CTNND2: variants seen among roughly 807,000 people sequenced by gnomAD.
The protein encoded by CTNND2 is catenin delta-2.
In CTNND2, 22 loss-of-function variants were observed where a neutral mutation model predicts 144.4. That is an observed-to-expected ratio of 0.15 (90% confidence interval 0.11 to 0.22). The LOEUF is 0.22. Among genes scored for constraint, CTNND2 ranks in the 10% least tolerant of loss-of-function variants. The pLI, the probability that CTNND2 is intolerant of heterozygous loss-of-function variation, is 1.00. For missense variants in CTNND2, 1,353 were observed against 1,618.8 expected, an observed-to-expected ratio of 0.84 and a Z score of 2.82; for synonymous variants, 751 against 695.6, an observed-to-expected ratio of 1.08 and a Z score of -1.25.
intron 1 of CTNND2, among the ~76,000 whole-genome samples, chr5:11,872,911 G>A (rs1424590923): frequency 1.3e-5 from 2 of 152,078 alleles, no homozygotes; most frequent in Non-Finnish European, 2.9e-5. Flanking sequence ...AGAAAACCTA[G>A]GCAATACCAT....
intron 3 of CTNND2, among the ~76,000 whole-genome samples, chr5:11,412,371 A>G (rs980452493): frequency 1.3e-5 from 2 of 152,162 alleles, no homozygotes; most frequent in African/African-American, 4.8e-5. Flanking sequence ...TAGCTTCTCT[A>G]TACATGCAGT....
chr5:11,817,641 A>T (rs568211964), intron 1 of CTNND2, among the ~76,000 whole-genome samples: 150 of 152,160 alleles, frequency 9.9e-4, no homozygotes, highest in Admixed American at 1.9e-3. Flanking sequence ...CTTAAGACAT[A>T]AAAGCCGTGT....
At chr5:11,881,444 C>T (rs1461672544) in intron 1 of CTNND2, among the ~76,000 whole-genome samples, 1 of 151,984 alleles carries the variant, frequency 6.6e-6, no homozygotes, top group Non-Finnish European at 1.5e-5. Context: ...CCCCACTATC[C>T]TTCTCATCCT....
At chr5:11,379,121 A>G (rs1175855895) in intron 7 of CTNND2, among the ~76,000 whole-genome samples, 1 of 152,238 alleles carries the variant, frequency 6.6e-6, no homozygotes, top group Admixed American at 6.5e-5. Flanking sequence ...ACAAATCCCG[A>G]AAGTGAAAGG....
intron 9 of CTNND2, among the ~76,000 whole-genome samples, chr5:11,258,386 A>G (rs919264192): frequency 6.6e-6 from 1 of 152,296 alleles, no homozygotes; most frequent in East Asian, 1.9e-4. Context: ...AAATCTTTTA[A>G]AACACTCACT....
intron 2 of CTNND2, among the ~76,000 whole-genome samples, chr5:11,607,777 G>T (rs905003510): frequency 2.0e-5 from 3 of 152,060 alleles, no homozygotes; most frequent in Non-Finnish European, 4.4e-5. Context: ...TCAAAACTTG[G>T]GCTGAAAGTC....
intron 6 of CTNND2, among the ~76,000 whole-genome samples, chr5:11,386,355 A>C (rs1313537183): frequency 6.6e-6 from 1 of 152,196 alleles, no homozygotes; most frequent in Non-Finnish European, 1.5e-5. Context: ...GAGGGAAGGG[A>C]GGAAGAGAAG....
chr5:11,735,662 T>C (rs1384341660), intron 1 of CTNND2, among the ~76,000 whole-genome samples: 1 of 152,174 alleles, frequency 6.6e-6, no homozygotes, highest in Non-Finnish European at 1.5e-5. Context: ...GTTCTCATGA[T>C]AGTGAATAAG....
chr5:11,592,128 T>TTTCCTGCCTTCTTGCC lies in CTNND2; in HGVS notation c.175-27073_175-27072insGGCAAGAAGGCAGGAA, dbSNP rs1561599712. Reference sequence around the variant, plus strand: ...CCTATCTACCTTCCTTCCTTCCTTCTTTCCTGCCTTCCTGCCTTCCTGCCT... The same window carrying TTTCCTGCCTTCTTGCC: ...CCTATCTACCTTCCTTCCTTCCTTCTTTCCTGCCTTCTTGCCTTCCTGCCTTCCTGCCTTCCTGCCT... On this transcript the variant is annotated intron_variant, in intron 2 of 21. Transcript: ENST00000304623. Among the ~76,000 whole-genome samples, 17 of 135,698 alleles carry TTTCCTGCCTTCTTGCC rather than the reference T, an allele frequency of 1.3e-4. 1 individual carries two copies. The highest frequency in any genetic ancestry group is 8.7e-4 in the East Asian group (4 of 4,624). 89.0% of individuals were successfully genotyped at this position (135,698 alleles called of 152,430 possible).
At chr5:11,724,028 C>T (rs1786859373) in intron 2 of CTNND2, among the ~76,000 whole-genome samples, 1 of 150,828 alleles carries the variant, frequency 6.6e-6, no homozygotes, top group Non-Finnish European at 1.5e-5. Context: ...GCACTCCAGC[C>T]TGGGCGACAG....
chr5:11,421,223 G>C (rs1762336748), intron 3 of CTNND2, among the ~76,000 whole-genome samples: 1 of 152,198 alleles, frequency 6.6e-6, no homozygotes, highest in Admixed American at 6.5e-5. Flanking sequence ...CAAAAGGAAA[G>C]TGGTAGCTCC....
chr5:11,649,635 T>C lies in CTNND2; in HGVS notation c.174+82501A>G, dbSNP rs78773566. ...TGGCCATAAAGAAACAAACTCTTGA[T>C]GAGATTGGGATAGGATTTGGGTTAA... On this transcript the variant is annotated intron_variant, in intron 2 of 21. Transcript: ENST00000304623. Among the ~76,000 whole-genome samples the C allele has an allele frequency of 4.4e-3, 667 of 152,190 alleles. 5 individuals are homozygous for C. The highest frequency in any genetic ancestry group is 0.015 in the African/African-American group (632 of 41,554).
chr5:11,621,566 T>C (rs1163514399), intron 2 of CTNND2, among the ~76,000 whole-genome samples: 2 of 152,152 alleles, frequency 1.3e-5, no homozygotes, highest in Non-Finnish European at 2.9e-5. Flanking sequence ...TTAAATCATT[T>C]AAAAACATGA....
At chr5:11,871,703 T>C (rs1044692591) in intron 1 of CTNND2, among the ~76,000 whole-genome samples, 2 of 152,230 alleles carry the variant, frequency 1.3e-5, no homozygotes, top group Non-Finnish European at 2.9e-5. Context: ...ATCTTCATAA[T>C]GTTGTTCATA....
intron 3 of CTNND2, among the ~76,000 whole-genome samples, chr5:11,473,711 G>A (rs1295343335): frequency 2.6e-5 from 4 of 152,212 alleles, no homozygotes; most frequent in Admixed American, 2.6e-4. Context: ...GCAGAGCACT[G>A]CAAACAGACC....
chr5:11,124,824 T>C (rs945497169), intron 12 of CTNND2, among the ~76,000 whole-genome samples: 1 of 152,184 alleles, frequency 6.6e-6, no homozygotes, highest in African/African-American at 2.4e-5. Context: ...GGTTTTTTGT[T>C]TTTATTTTCT....
At chr5:10,977,013 C>T (rs35597348) in intron 21 of CTNND2, among the ~76,000 whole-genome samples, 2,438 of 152,344 alleles carry the variant, frequency 0.016, 44 homozygotes, top group Non-Finnish European at 0.019. Context: ...GGGCCTCTGG[C>T]GATGGGCCCC....
At chr5:11,237,888 C>T (rs1463592984) in intron 9 of CTNND2, among the ~76,000 whole-genome samples, 1 of 152,054 alleles carries the variant, frequency 6.6e-6, no homozygotes, top group Non-Finnish European at 1.5e-5. Context: ...CTACATGATT[C>T]TCTGGGGATA....
chr5:11,612,360 T>G (rs1780373207), intron 2 of CTNND2, among the ~76,000 whole-genome samples: 1 of 152,216 alleles, frequency 6.6e-6, no homozygotes, highest in Admixed American at 6.5e-5. Flanking sequence ...AAGAGTTAAT[T>G]ATTTTTAAAG....
Sources: gnomAD v4.1 joint callset for allele counts (sites outside exome capture counted in the v4.1 genomes callset) on GRCh38, gnomAD v4.1.1 for gene constraint, MANE v1.5 for transcripts, NCBI Gene and HGNC (gene_info 2026-07-23, HGNC 2026-07-21) for gene names.